The following TET1 variants were observed in gnomAD, a reference collection of about 807,000 sequenced individuals.
TET1 encodes the protein methylcytosine dioxygenase TET1.
In TET1, 13 loss-of-function variants were observed where a neutral mutation model predicts 148.7. That is an observed-to-expected ratio of 0.09 (90% CI 0.06 to 0.14). The LOEUF (loss-of-function observed/expected upper bound fraction) is 0.14, where lower values mean the gene tolerates loss of function less well. TET1 is among the 10% of genes least tolerant of loss of function. The pLI is 1.00. For synonymous variants in TET1, 907 were observed against 937.2 expected, an observed-to-expected ratio of 0.97 and a Z score of 0.59; for missense variants, 2,182 against 2,553.8, an observed-to-expected ratio of 0.85 and a Z score of 3.14.
intron 8 of TET1, among the ~76,000 whole-genome samples, chr10:68,678,217 T>C (rs1318943641): frequency 6.6e-6 from 1 of 152,170 alleles, no homozygotes; most frequent in African/African-American, 2.4e-5. Context: ...GAGGGGATAA[T>C]GGTCACTTAA....
At chr10:68,595,978 A>AGG in intron 2 of TET1, among the ~76,000 whole-genome samples, 1 of 40,922 alleles carries the variant, frequency 2.4e-5, no homozygotes, top group South Asian at 1.2e-3. Flanking sequence ...ACACACACAC[A>AGG]TATATACACA....
Position 68,646,167 on chromosome 10 carries a change from C to A in TET1, c.3438C>A (p.Thr1146=), listed in dbSNP as rs1368780175. 2 of 1,613,132 alleles carry A rather than the reference C, an allele frequency of 1.2e-6. No individual in the cohort carries two copies. Among genetic ancestry groups the A allele is most frequent in the Admixed American group, 3.3e-5 (2 of 59,780 alleles). Reference sequence around the variant, plus strand: ...CATTAACAAAACAAAAGAACCCAACCCAGAAAAAGACAAAATCCACCCCAT... The same window carrying A: ...CATTAACAAAACAAAAGAACCCAACACAGAAAAAGACAAAATCCACCCCAT... ...GSSLTKQKNP[T]QKKTKSTPSR... is the part of the protein sequence containing the mutation. Residue 1146 remains threonine (T), a synonymous_variant, in exon 4 of 12, where the codon ACC becomes ACA. Coordinates refer to ENST00000373644, the MANE Select transcript of TET1 (RefSeq NM_030625.3).
At chr10:68,584,877 G>A (rs7901491) in intron 2 of TET1, among the ~76,000 whole-genome samples, 73,946 of 150,480 alleles carry the variant, frequency 0.49, 18,707 homozygotes, top group East Asian at 0.56. Flanking sequence ...CTGGAGTGCA[G>A]TGGTGCGATC....
intron 1 of TET1, among the ~76,000 whole-genome samples, chr10:68,563,448 G>A (rs1564943808): frequency 6.6e-6 from 1 of 152,230 alleles, no homozygotes; most frequent in Non-Finnish European, 1.5e-5. Context: ...GTTCTGTAGA[G>A]CTGAATGGAG....
intron 2 of TET1, among the ~76,000 whole-genome samples, chr10:68,597,196 G>A (rs2053999512): frequency 6.6e-6 from 1 of 151,708 alleles, no homozygotes; most frequent in South Asian, 2.1e-4. Flanking sequence ...ACCACTCCTG[G>A]CTAATTTTTG....
chr10:68,600,762 A>G (rs950533219), intron 2 of TET1, among the ~76,000 whole-genome samples: 1 of 152,210 alleles, frequency 6.6e-6, no homozygotes, highest in Non-Finnish European at 1.5e-5. Flanking sequence ...CTTTAAGGGG[A>G]AAAAAGGGTA....
intron 3 of TET1, among the ~76,000 whole-genome samples, chr10:68,616,235 G>A (rs902218095): frequency 2.6e-5 from 4 of 152,104 alleles, no homozygotes; most frequent in Non-Finnish European, 5.9e-5. Context: ...TAATTCAGAC[G>A]CTCATTATGC....
intron 6 of TET1, among the ~76,000 whole-genome samples, chr10:68,661,324 AG>A (rs2055111282): frequency 6.6e-6 from 1 of 150,722 alleles, no homozygotes; most frequent in Non-Finnish European, 1.5e-5. Context: ...CTAGGATTAC[AG>A]GCATGAGCCA....
At chr10:68,689,781 A>T (rs1273023114) in intron 11 of TET1, among the ~76,000 whole-genome samples, 1 of 151,608 alleles carries the variant, frequency 6.6e-6, no homozygotes, top group Non-Finnish European at 1.5e-5. Context: ...TCCATCTCAA[A>T]AAAAAAAAAG....
rs112413582 is a variant in TET1 at position 68,676,157 on chromosome 10, T to TTGTGTGTGTGTG, written c.4824+3130_4824+3141dup. Among the ~76,000 whole-genome samples the TTGTGTGTGTGTG allele has an allele frequency of 4.3e-3, 557 of 129,206 alleles. 7 individuals carry two copies. In the South Asian group the frequency reaches 0.05, roughly 12 times the overall value. 84.8% of individuals were successfully genotyped at this position (129,206 alleles called of 152,430 possible). A position where few individuals can be genotyped will look rare whatever the true frequency, so the allele number is the denominator to read the frequency against. On this transcript the variant is annotated intron_variant, in intron 8 of 11. Transcript: ENST00000373644. Reference sequence around the variant, plus strand: ...GGTGTGAGCCACAGCACCTGGCCTTTTGTGTGTGTGTGTGTGTGTGTGTGT... The same window carrying TTGTGTGTGTGTG: ...GGTGTGAGCCACAGCACCTGGCCTTTTGTGTGTGTGTGTGTGTGTGTGTGTGTGTGTGTGTGT...
intron 2 of TET1, among the ~76,000 whole-genome samples, chr10:68,588,496 C>A (rs72797576): frequency 6.6e-6 from 1 of 152,050 alleles, no homozygotes; most frequent in Non-Finnish European, 1.5e-5. Context: ...TTTTAGTCAC[C>A]ATATCTCTGA....
At chr10:68,632,356 C>G in intron 3 of TET1, 1 of 1,586,412 alleles carries the variant, frequency 6.3e-7, no homozygotes, top group Non-Finnish European at 8.6e-7. Flanking sequence ...CGGGTGGAGT[C>G]GCGGAGTAGT....
chr10:68,586,641 G>GT (rs34588085), intron 2 of TET1, among the ~76,000 whole-genome samples: 8,012 of 141,876 alleles, frequency 0.056, 259 homozygotes, highest in Non-Finnish European at 0.079. Context: ...CCTCACATCA[G>GT]TTTTTTTTTT....
chr10:68,575,877 G>A (rs560616149), intron 2 of TET1, among the ~76,000 whole-genome samples: 31 of 150,976 alleles, frequency 2.1e-4, no homozygotes, highest in Non-Finnish European at 3.5e-4. Context: ...AAAATTAGCC[G>A]GGCGTGACGG....
At chr10:68,656,012 A>C (rs1198336059) in intron 6 of TET1, among the ~76,000 whole-genome samples, 1 of 152,124 alleles carries the variant, frequency 6.6e-6, no homozygotes, top group Non-Finnish European at 1.5e-5. Context: ...CTGTACATTC[A>C]AGGGATGTAG....
chr10:68,690,550 T>C (rs1017597280), intron 11 of TET1, among the ~76,000 whole-genome samples: 8 of 152,202 alleles, frequency 5.3e-5, no homozygotes. Flanking sequence ...GCCACTGCAC[T>C]CCAGCCTGGG....
chr10:68,649,939 C>T (rs935120668), intron 4 of TET1, among the ~76,000 whole-genome samples: 2 of 152,086 alleles, frequency 1.3e-5, no homozygotes, highest in Non-Finnish European at 2.9e-5. Flanking sequence ...GAAAAAGGCA[C>T]TTAAAGACAG....
intron 1 of TET1, among the ~76,000 whole-genome samples, chr10:68,563,625 A>T (rs910229461): frequency 6.6e-6 from 1 of 152,246 alleles, no homozygotes; most frequent in Non-Finnish European, 1.5e-5. Flanking sequence ...GGAATCCAGA[A>T]AAAGGACGGA....
At chr10:68,581,923 G>C (rs1401992395) in intron 2 of TET1, among the ~76,000 whole-genome samples, 2 of 151,968 alleles carry the variant, frequency 1.3e-5, no homozygotes, top group Non-Finnish European at 2.9e-5. Context: ...GGTGATTTTG[G>C]TGTAGTATCA....
Sources: gnomAD v4.1 joint callset for allele counts (sites outside exome capture counted in the v4.1 genomes callset) on GRCh38, gnomAD v4.1.1 for gene constraint, MANE v1.5 for transcripts, NCBI Gene and HGNC (gene_info 2026-07-23, HGNC 2026-07-21) for gene names.